The following COX18 variants were observed in gnomAD, a reference collection of about 807,000 sequenced individuals.
COX18 encodes cytochrome c oxidase assembly protein COX18, mitochondrial.
COX18 carries 45 observed loss-of-function variants against 38.0 expected under a neutral mutation model. The observed-to-expected ratio is 1.18, with a 90% confidence interval of 0.93 to 1.52. COX18 has a LOEUF of 1.52. Among genes scored for constraint, COX18 ranks in the 40% most tolerant of loss-of-function variants. COX18 has a pLI of 0.00. For missense variants in COX18, 462 were observed against 423.8 expected (o/e 1.09, Z -0.79); for synonymous variants, 177 against 169.8 (o/e 1.04, Z -0.33).
chr4:73,061,707 CAAA>C (rs35931617), intron 5 of COX18, 103 bp downstream of exon 5: 11,177 of 360,802 alleles, frequency 0.031, no homozygotes, highest in East Asian at 0.049. Context: ...GACTCCGTCT[CAAA>C]AAAAAAAAAA....
intron 2 of COX18, among the ~76,000 whole-genome samples, chr4:73,067,076 C>T (rs968150662): frequency 6.6e-6 from 1 of 152,198 alleles, no homozygotes; most frequent in Admixed American, 6.5e-5. Flanking sequence ...TGAATGCAGA[C>T]ATCCTTGGGC....
At chr4:73,067,744 G>A (rs1355186482) in intron 2 of COX18, among the ~76,000 whole-genome samples, 2 of 146,598 alleles carry the variant, frequency 1.4e-5, no homozygotes, top group Non-Finnish European at 3.0e-5. Context: ...GGGAGGCTGA[G>A]GGAGGAGAAT....
chr4:73,067,622 A>G (rs1043208814), intron 2 of COX18, among the ~76,000 whole-genome samples: 2 of 151,604 alleles, frequency 1.3e-5, no homozygotes, highest in East Asian at 1.9e-4. Context: ...AGGGTGGATC[A>G]CCTGAGGTCA....
chr4:73,065,190 T>C, intron 3 of COX18, 60 bp downstream of exon 3: 1 of 1,218,048 alleles, frequency 8.2e-7, no homozygotes, highest in South Asian at 1.7e-5. Flanking sequence ...TTTTTTTTTT[T>C]TTTTTTAGTA....
intron 5 of COX18, among the ~76,000 whole-genome samples, chr4:73,059,389 G>A (rs889948464): frequency 2.0e-5 from 3 of 152,186 alleles, no homozygotes; most frequent in African/African-American, 7.2e-5. Context: ...CTACCTCAGA[G>A]GATTGCTGTG....
In COX18 at chr4:73,055,656, G is replaced by C. The variant is rs140388911; in HGVS notation, c.*2458C>G. ...AGACTCAAAAAGGATACATGTTTAC[G>C]GTATGAGAGCTGAAACTAGAAGGCA... On this transcript the variant is annotated 3_prime_UTR_variant, in exon 6 of 6. Transcript: ENST00000507544. 1 of 152,108 alleles carries C rather than the reference G, an allele frequency of 6.6e-6. No homozygotes were observed. Among genetic ancestry groups the C allele is most frequent in the Non-Finnish European group, 1.5e-5 (1 of 68,010 alleles). 9.4% of individuals were successfully genotyped at this position (152,108 alleles called of 1,614,324 possible).
In COX18 at chr4:73,058,037, A is replaced by G; in HGVS notation, c.*77T>C. The G allele has an allele frequency of 1.0e-6, 1 of 975,628 alleles. No homozygotes were observed. The highest frequency in any genetic ancestry group is 1.5e-6 in the Non-Finnish European group (1 of 645,540). The allele number at this position is 975,628 out of a possible 1,614,324, so 60.4% of individuals were successfully genotyped here. On this transcript the variant is annotated 3_prime_UTR_variant, in exon 6 of 6. Coordinates refer to ENST00000507544, the MANE Select transcript of COX18 (RefSeq NM_001297732.2). ...ATTTTAAATAAAAGGAAATCAAGTA[A>G]CATCTGAATTTCTAAGTCTAAATAC... is the stretch of plus-strand genomic sequence containing the variant.
chr4:73,067,443 A>G (rs1296869072), intron 2 of COX18, among the ~76,000 whole-genome samples: 1 of 152,174 alleles, frequency 6.6e-6, no homozygotes. Flanking sequence ...AATAGGCTGG[A>G]ATCCCTAAAG....
At position 73,056,976 on chromosome 4, in the gene COX18, C is replaced by G. The variant is rs1719911751; in HGVS notation, c.*1138G>C. On this transcript the variant is annotated 3_prime_UTR_variant, in exon 6 of 6. Transcript: ENST00000507544. ...TCTCTACTAAAAATACAAAACTTAG[C>G]TGGGCATGGTGGTGCACCCCTGTAG... is the stretch of plus-strand genomic sequence containing the variant. The G allele has an allele frequency of 1.3e-5, 2 of 152,120 alleles. No homozygotes were observed. The highest frequency in any genetic ancestry group is 2.9e-5 in the Non-Finnish European group (2 of 68,070). The allele number at this position is 152,120 out of a possible 1,614,324, so 9.4% of individuals were successfully genotyped here.
Position 73,053,027 on chromosome 4 carries a change from C to A in COX18, c.*5087G>T, listed in dbSNP as rs1275889080. 7.0e-6 allele frequency: 1 copy of A among 141,944 alleles called. No individual in the cohort carries two copies. The highest frequency in any genetic ancestry group is 1.5e-5 in the Non-Finnish European group (1 of 65,544). 8.8% of individuals were successfully genotyped at this position (141,944 alleles called of 1,614,324 possible). A position where few individuals can be genotyped will look rare whatever the true frequency, so the allele number is the denominator to read the frequency against. ...TTTAAGAATAGGTGCAAAATATAAG[C>A]AGATTATGCGTCCAATAAAAAAAAA... On this transcript the variant is annotated 3_prime_UTR_variant, in exon 6 of 6. Transcript: ENST00000507544.
chr4:73,064,567 A>G (rs1211595258), intron 4 of COX18, among the ~76,000 whole-genome samples: 2 of 152,248 alleles, frequency 1.3e-5, no homozygotes, highest in East Asian at 3.8e-4. Flanking sequence ...GAAGTATACT[A>G]GTGCTTTTAC....
In COX18 at chr4:73,054,568, T is replaced by C. The variant is rs1719822511; in HGVS notation, c.*3546A>G. 6.6e-6 allele frequency: 1 copy of C among 152,172 alleles called. No homozygotes were observed. The highest frequency in any genetic ancestry group is 1.5e-5 in the Non-Finnish European group (1 of 68,040). 9.4% of individuals were successfully genotyped at this position (152,172 alleles called of 1,614,324 possible). ...GCCTTGTATTCTCAAACTTCCTGTA[T>C]ATATTTGAAAAGAAATTTCAAGTTT... On this transcript the variant is annotated 3_prime_UTR_variant, in exon 6 of 6. Transcript: ENST00000507544.
At chr4:73,068,785 C>T (rs1409546951) in intron 1 of COX18, 1 of 153,134 alleles carries the variant, frequency 6.5e-6, no homozygotes. Context: ...TAGCCTGATT[C>T]CTCAGAAAAA....
In COX18 at chr4:73,056,554, T is replaced by C. The variant is rs1276331421; in HGVS notation, c.*1560A>G. 6.6e-6 allele frequency: 1 copy of C among 152,218 alleles called. No homozygotes were observed. The highest frequency in any genetic ancestry group is 1.5e-5 in the Non-Finnish European group (1 of 68,046). 9.4% of individuals were successfully genotyped at this position (152,218 alleles called of 1,614,324 possible). A position where few individuals can be genotyped will look rare whatever the true frequency, so the allele number is the denominator to read the frequency against. On this transcript the variant is annotated 3_prime_UTR_variant, in exon 6 of 6. Transcript: ENST00000507544. ...TGAGCAGGGCCGGGAGGCAACATCA[T>C]CTACCATGTTAGGGACTTGTATGCA...
At chr4:73,066,280 C>T (rs946594783) in intron 2 of COX18, among the ~76,000 whole-genome samples, 3 of 152,150 alleles carry the variant, frequency 2.0e-5, no homozygotes, top group African/African-American at 4.8e-5. Flanking sequence ...ATCAGACTTC[C>T]GCATAGGCAT....
chr4:73,065,594 C>A (rs1720412029), intron 2 of COX18, among the ~76,000 whole-genome samples, 181 bp from the exon 3 acceptor site: 1 of 152,004 alleles, frequency 6.6e-6, no homozygotes, highest in Admixed American at 6.6e-5. Context: ...AGCCTTTTAT[C>A]AAAACTTCTA....
rs1254529687 is a variant in COX18, at chr4:73,056,353, T to C, written c.*1761A>G. 2.0e-5 allele frequency: 3 copies of C among 152,236 alleles called. No individual in the cohort carries two copies. Among genetic ancestry groups the C allele is most frequent in the Non-Finnish European group, 4.4e-5 (3 of 68,036 alleles). The allele number at this position is 152,236 out of a possible 1,614,324, so 9.4% of individuals were successfully genotyped here. A position where few individuals can be genotyped will look rare whatever the true frequency, so the allele number is the denominator to read the frequency against. On this transcript the variant is annotated 3_prime_UTR_variant, in exon 6 of 6. Coordinates refer to ENST00000507544, the MANE Select transcript of COX18 (RefSeq NM_001297732.2). ...TATTAGGGTACTTAATCCTTACAAATAAACAGGTTTAAAATCACCTCAATA... is the reference window on the plus strand; with the variant it reads ...TATTAGGGTACTTAATCCTTACAAACAAACAGGTTTAAAATCACCTCAATA...
chr4:73,058,200 G>C lies in COX18; in HGVS notation c.919C>G (p.Arg307Gly). Residue 307 changes from arginine (R) to glycine (G), a missense_variant, in exon 6 of 6, where the codon CGA (arginine) becomes GGA (glycine). Physicochemically the swap from Arg to Gly is moderately radical, Grantham distance 125. Transcript: ENST00000507544. ...GAATCTGACTTGGTCGATGGTATTCGGCAAAGTTGGCGAAATCCAGGAGAA... is the reference window on the plus strand; with the variant it reads ...GAATCTGACTTGGTCGATGGTATTCCGCAAAGTTGGCGAAATCCAGGAGAA... The part of the protein sequence containing the change: ...LRSPGFRQLC[R>G]IPSTKSDSET... 6.2e-7 allele frequency: 1 copy of C among 1,613,754 alleles called. No homozygotes were observed. The highest frequency in any genetic ancestry group is 8.5e-7 in the Non-Finnish European group (1 of 1,179,806).
intron 5 of COX18, among the ~76,000 whole-genome samples, chr4:73,058,553 G>C (rs576651343): frequency 2.0e-5 from 3 of 152,164 alleles, no homozygotes; most frequent in Admixed American, 6.5e-5. Context: ...GCTCAAGAGA[G>C]ATCTTATCTC....
Sources: allele counts gnomAD v4.1 joint callset (sites outside exome capture counted in the v4.1 genomes callset), GRCh38; gene constraint gnomAD v4.1.1; transcripts MANE v1.5; gene names NCBI Gene and HGNC (gene_info 2026-07-23, HGNC 2026-07-21).